KIRREL1: variants seen among roughly 807,000 people sequenced by gnomAD.
KIRREL1 encodes kin of IRRE-like protein 1.
A neutral mutation model predicts 83.3 loss-of-function variants in KIRREL1; 25 were observed. That is an observed-to-expected ratio of 0.30 (90% CI 0.22 to 0.42). The LOEUF (loss-of-function observed/expected upper bound fraction) is 0.42, where lower values mean the gene tolerates loss of function less well. KIRREL1 is among the 10% of genes least tolerant of loss of function. The probability of loss-of-function intolerance (pLI) is 1.00; values close to 1 mark genes in which losing one functional copy is unlikely to be tolerated. For missense variants in KIRREL1, 812 were observed against 1,032.3 expected (o/e 0.79, Z 2.92); for synonymous variants, 388 against 410.4 (o/e 0.95, Z 0.66).
intron 10 of KIRREL1, among the ~76,000 whole-genome samples, chr1:158,090,761 G>A (rs887965981): frequency 1.2e-4 from 18 of 152,202 alleles, no homozygotes; most frequent in Admixed American, 3.9e-4. Flanking sequence ...GTTGGTTAAA[G>A]GTACGCCTAA....
intron 1 of KIRREL1, among the ~76,000 whole-genome samples, chr1:158,024,157 C>A (rs1660088818): frequency 6.6e-6 from 1 of 152,074 alleles, no homozygotes; most frequent in African/African-American, 2.4e-5. Flanking sequence ...CCATGTTGGC[C>A]AGGCTAGTCT....
intron 1 of KIRREL1, among the ~76,000 whole-genome samples, chr1:158,060,302 A>G (rs1661179184): frequency 6.6e-6 from 1 of 151,780 alleles, no homozygotes; most frequent in South Asian, 2.1e-4. Flanking sequence ...CTCCTTCTCA[A>G]TCTCCCTGTC....
rs772293472 is a variant in KIRREL1, at chr1:158,095,079, T to C, written c.2233T>C (p.Tyr745His). ...CTCCTACACCTCCCAGCACTCGGAC[T>C]ACGGCCAGCGATTCCAGCAGCGCAT... ...RFSYTSQHSD[Y>H]GQRFQQRMQT... Residue 745 changes from tyrosine (Y) to histidine (H), a missense_variant, in exon 15 of 15, where the codon TAC becomes CAC. Physicochemically the swap from Tyr to His is moderately conservative, Grantham distance 83. Around this residue, in one of 3 missense-constraint regions of KIRREL1, gnomAD observed 334 missense variants for 383.7 expected, o/e 0.87. Transcript: ENST00000359209. The C allele has an allele frequency of 1.9e-6, 3 of 1,610,514 alleles. No individual in the cohort carries two copies. Among genetic ancestry groups the C allele is most frequent in the East Asian group, 2.2e-5 (1 of 44,798 alleles).
intron 1 of KIRREL1, among the ~76,000 whole-genome samples, chr1:158,002,392 T>C (rs778602949): frequency 6.6e-6 from 1 of 152,196 alleles, no homozygotes; most frequent in Non-Finnish European, 1.5e-5. Context: ...CCATTTCCAC[T>C]GGTCTGTGGC....
chr1:158,008,061 C>T (rs934498495), intron 1 of KIRREL1, among the ~76,000 whole-genome samples: 1 of 152,184 alleles, frequency 6.6e-6, no homozygotes, highest in African/African-American at 2.4e-5. Flanking sequence ...TTTATTATCT[C>T]TTAATTAATC....
At chr1:157,995,425 T>G (rs982309989) in intron 1 of KIRREL1, among the ~76,000 whole-genome samples, 1 of 151,850 alleles carries the variant, frequency 6.6e-6, no homozygotes, top group Admixed American at 6.6e-5. Flanking sequence ...GAAGATGACT[T>G]AAGTTCTGAC....
At chr1:158,092,814 C>T (rs1302054506) in intron 11 of KIRREL1, among the ~76,000 whole-genome samples, 1 of 152,170 alleles carries the variant, frequency 6.6e-6, no homozygotes, top group Non-Finnish European at 1.5e-5. Context: ...AGGCTGGAAG[C>T]AGGATTCCTG....
intron 1 of KIRREL1, among the ~76,000 whole-genome samples, chr1:158,047,416 G>A (rs944731234): frequency 4.6e-5 from 7 of 152,196 alleles, no homozygotes; most frequent in African/African-American, 1.7e-4. Flanking sequence ...GCTGGGTGGA[G>A]AAGTCATCAT....
At chr1:158,036,634 G>A (rs1334284823) in intron 1 of KIRREL1, among the ~76,000 whole-genome samples, 1 of 152,144 alleles carries the variant, frequency 6.6e-6, no homozygotes, top group East Asian at 1.9e-4. Context: ...AAAGAGAGGC[G>A]CTTGATGGAG....
intron 8 of KIRREL1, 51 bp from the exon 9 acceptor site, chr1:158,089,451 T>C: frequency 1.2e-6 from 2 of 1,610,898 alleles, no homozygotes; most frequent in Non-Finnish European, 8.5e-7. Flanking sequence ...CTCATGGACC[T>C]AGGGGCCCAG....
At chr1:158,041,557 G>A (rs942423574) in intron 1 of KIRREL1, among the ~76,000 whole-genome samples, 1 of 152,142 alleles carries the variant, frequency 6.6e-6, no homozygotes, top group Non-Finnish European at 1.5e-5. Flanking sequence ...TAATGGGAAT[G>A]ACCAGAAACC....
intron 8 of KIRREL1, among the ~76,000 whole-genome samples, chr1:158,088,709 C>T (rs1662099247): frequency 6.6e-6 from 1 of 151,830 alleles, no homozygotes; most frequent in Non-Finnish European, 1.5e-5. Flanking sequence ...TGGTCTCGAT[C>T]TCCTGACCTC....
In KIRREL1 at chr1:158,077,923, A is replaced by T. The variant is rs541466376; in HGVS notation, c.203-68A>T. 5.1e-6 allele frequency: 8 copies of T among 1,559,640 alleles called. No homozygotes were observed. The South Asian group carries it at 9.1e-5, about 18-fold the overall frequency. On this transcript the variant is annotated intron_variant, in intron 2 of 14. Transcript: ENST00000359209. ...CCCAGGAGAGGGCAGAGGGAGGAGT[A>T]CTGGTGTGGGATGGCTGAGGATGTG... is the stretch of plus-strand genomic sequence containing the variant.
intron 1 of KIRREL1, among the ~76,000 whole-genome samples, chr1:158,048,660 C>A (rs1003676579): frequency 4.6e-5 from 7 of 152,118 alleles, no homozygotes; most frequent in African/African-American, 1.7e-4. Context: ...CATACTTTTG[C>A]ACACATACAA....
At chr1:158,045,208 T>C (rs1342400409) in intron 1 of KIRREL1, among the ~76,000 whole-genome samples, 1 of 152,054 alleles carries the variant, frequency 6.6e-6, no homozygotes, top group Non-Finnish European at 1.5e-5. Context: ...TGTGCACAAA[T>C]CATGAGGGGC....
intron 1 of KIRREL1, among the ~76,000 whole-genome samples, chr1:158,070,027 G>A (rs932307574): frequency 1.9e-4 from 29 of 152,154 alleles, no homozygotes; most frequent in African/African-American, 6.5e-4. Context: ...TCCTCCCTTC[G>A]TGTAGGGACA....
intron 1 of KIRREL1, among the ~76,000 whole-genome samples, chr1:158,045,772 C>T (rs77275204): frequency 0.033 from 5,009 of 152,302 alleles, 128 homozygotes; most frequent in African/African-American, 0.066. Flanking sequence ...GGCTCAGTGC[C>T]CTAACCTTCT....
rs1662408060 is a variant in KIRREL1 at position 158,098,424 on chromosome 1, C to T, written c.*3304C>T. ...GCCCAGGGACAGCTTGTTCTTCTCA[C>T]CAAACAGGTGAAGCCTGCAGTCCAA... On this transcript the variant is annotated 3_prime_UTR_variant, in exon 15 of 15. Transcript: ENST00000359209. The T allele has an allele frequency of 6.6e-6, 1 of 152,224 alleles. No homozygotes were observed. The highest frequency in any genetic ancestry group is 2.4e-5 in the African/African-American group (1 of 41,458). 9.4% of individuals were successfully genotyped at this position (152,224 alleles called of 1,614,324 possible). A position where few individuals can be genotyped will look rare whatever the true frequency, so the allele number is the denominator to read the frequency against.
At chr1:158,035,133 C>T (rs372606753) in intron 1 of KIRREL1, among the ~76,000 whole-genome samples, 8 of 152,172 alleles carry the variant, frequency 5.3e-5, no homozygotes, top group African/African-American at 1.9e-4. Context: ...GGAGCCATTC[C>T]CTTTGCCCCC....
Sources: gnomAD v4.1 joint callset for allele counts (sites outside exome capture counted in the v4.1 genomes callset) on GRCh38, gnomAD v4.1.1 for gene constraint, gnomAD v4.1.1 regional missense constraint, MANE v1.5 for transcripts, NCBI Gene and HGNC (gene_info 2026-07-23, HGNC 2026-07-21) for gene names.